GAPVD1: variants seen among roughly 807,000 people sequenced by gnomAD.
GAPVD1 encodes the protein GTPase-activating protein and VPS9 domain-containing protein 1.
GAPVD1 carries 35 observed loss-of-function variants against 155.5 expected under a neutral mutation model. The observed-to-expected ratio is 0.23, with a 90% confidence interval of 0.17 to 0.30. The LOEUF (loss-of-function observed/expected upper bound fraction) is 0.30, where lower values mean the gene tolerates loss of function less well. Ranked by LOEUF, GAPVD1 falls within the 10% of genes least tolerant of loss-of-function variation. GAPVD1 has a pLI of 1.00. For synonymous variants in GAPVD1, 636 were observed against 619.7 expected, an observed-to-expected ratio of 1.03 and a Z score of -0.39; for missense variants, 1,429 against 1,775.7, an observed-to-expected ratio of 0.80 and a Z score of 3.51.
chr9:125,349,736 C>T (rs1251468412), intron 21 of GAPVD1, among the ~76,000 whole-genome samples: 6 of 152,104 alleles, frequency 3.9e-5, no homozygotes, highest in South Asian at 4.2e-4. Flanking sequence ...TGGTGGCTCA[C>T]GCCTGTAATC....
chr9:125,352,047 C>T (rs1849361807), intron 23 of GAPVD1, among the ~76,000 whole-genome samples: 1 of 152,148 alleles, frequency 6.6e-6, no homozygotes, highest in African/African-American at 2.4e-5. Context: ...AGCCAGGGTT[C>T]CCATGGTCTT....
rs1471947888 is a variant in GAPVD1 at position 125,337,239 on chromosome 9, G to A, written c.2525G>A (p.Arg842Lys). Residue 842 changes from arginine to lysine, a missense_variant, in exon 17 of 28, where the codon AGG becomes AAG. Transcript: ENST00000297933. ...GTTGCAGGGGCTTCTGCTGTGGTAA[G>A]GCCAAAGGTTCACTATGCTAGGCCA... ...SSHEGASAVV[R>K]PKVHYARPSH... 3.1e-6 allele frequency: 5 copies of A among 1,613,956 alleles called. No individual in the cohort carries two copies. The highest frequency in any genetic ancestry group is 1.7e-5 in the Admixed American group (1 of 59,984).
intron 20 of GAPVD1, among the ~76,000 whole-genome samples, 183 bp from the exon 21 acceptor site, chr9:125,349,207 A>G (rs1295037289): frequency 6.6e-6 from 1 of 152,230 alleles, no homozygotes; most frequent in Non-Finnish European, 1.5e-5. Context: ...CTCTTGATAC[A>G]TAATTGTTGC....
chr9:125,274,906 G>A (rs771041299), intron 2 of GAPVD1, among the ~76,000 whole-genome samples: 2 of 152,118 alleles, frequency 1.3e-5, no homozygotes, highest in Non-Finnish European at 2.9e-5. Context: ...CTAGGGAGTG[G>A]CAAACCTGAG....
chr9:125,296,594 TC>T (rs1485563829), intron 3 of GAPVD1, among the ~76,000 whole-genome samples: 1 of 148,316 alleles, frequency 6.7e-6, no homozygotes, highest in East Asian at 2.0e-4. Flanking sequence ...TCTCAGGTGA[TC>T]CCCTTGCCTT....
At chr9:125,298,364 T>G (rs1490953145) in intron 3 of GAPVD1, among the ~76,000 whole-genome samples, 2 of 152,154 alleles carry the variant, frequency 1.3e-5, no homozygotes, top group Admixed American at 1.3e-4. Context: ...GAGCTTTTTT[T>G]TCTTTTTGCT....
intron 10 of GAPVD1, among the ~76,000 whole-genome samples, chr9:125,321,763 C>T (rs1264933106): frequency 6.6e-6 from 1 of 152,148 alleles, no homozygotes; most frequent in Non-Finnish European, 1.5e-5. Context: ...TGCCTTTGGT[C>T]ATATAAAATG....
intron 15 of GAPVD1, among the ~76,000 whole-genome samples, chr9:125,333,490 T>C (rs1846393329): frequency 6.7e-6 from 1 of 149,364 alleles, no homozygotes; most frequent in Non-Finnish European, 1.5e-5. Flanking sequence ...TTTGTCTTTT[T>C]TTTTTTTTTT....
Position 125,302,546 on chromosome 9 carries a change from T to C in GAPVD1, c.749T>C (p.Met250Thr), listed in dbSNP as rs1391611629. 3 of 1,613,890 alleles carry C rather than the reference T, an allele frequency of 1.9e-6. No individual in the cohort carries two copies. Among genetic ancestry groups the C allele is most frequent in the Non-Finnish European group, 2.5e-6 (3 of 1,179,806 alleles). ...SDRFRQKVQE[M>T]VESNEAKLVA... ...AGATTCAGGCAAAAAGTTCAAGAAA[T>C]GGTGGAGTCCAATGAAGCAAAGCTA... is the stretch of plus-strand genomic sequence containing the variant. The change falls in exon 5 of 28, where the codon ATG (methionine) becomes ACG (threonine). Residue 250 changes from methionine to threonine, a missense_variant. Met to Thr is a moderately conservative substitution (Grantham distance 81, BLOSUM62 -1). Coordinates refer to ENST00000297933, the MANE Select transcript of GAPVD1 (RefSeq NM_001282680.3).
chr9:125,335,004 G>C (rs1269955570), intron 15 of GAPVD1, among the ~76,000 whole-genome samples: 1 of 152,180 alleles, frequency 6.6e-6, no homozygotes, highest in East Asian at 1.9e-4. Flanking sequence ...GAATTTAGCA[G>C]AGGACAAAAA....
At chr9:125,299,444 G>A (rs937980841) in intron 4 of GAPVD1, among the ~76,000 whole-genome samples, 1 of 151,532 alleles carries the variant, frequency 6.6e-6, no homozygotes, top group African/African-American at 2.4e-5. Context: ...GATCATGAGG[G>A]CAGGAGTTTA....
intron 6 of GAPVD1, among the ~76,000 whole-genome samples, chr9:125,307,173 G>T (rs1841980045): frequency 6.6e-6 from 1 of 151,562 alleles, no homozygotes; most frequent in Non-Finnish European, 1.5e-5. Flanking sequence ...GCTGAGGCAG[G>T]AGAATCACAG....
At chr9:125,280,050 G>T (rs138378593) in intron 2 of GAPVD1, among the ~76,000 whole-genome samples, 1 of 150,674 alleles carries the variant, frequency 6.6e-6, no homozygotes. Flanking sequence ...GGCGTGAGCC[G>T]CTGCGCTGGC....
chr9:125,305,371 GTTTTTT>G (rs34474690), intron 6 of GAPVD1, among the ~76,000 whole-genome samples: 1 of 111,566 alleles, frequency 9.0e-6, no homozygotes, highest in African/African-American at 3.8e-5. Flanking sequence ...ATTTTAAAAA[GTTTTTT>G]TTTTTTTTTT....
intron 2 of GAPVD1, among the ~76,000 whole-genome samples, chr9:125,274,081 A>G (rs910298148): frequency 1.3e-5 from 2 of 151,898 alleles, no homozygotes; most frequent in African/African-American, 4.8e-5. Context: ...GCAGTGGCGC[A>G]ATCTTGGCTC....
chr9:125,342,292 A>G lies in GAPVD1; in HGVS notation c.3039A>G (p.Thr1013=). Residue 1013 remains threonine, a synonymous_variant, in exon 19 of 28, where the codon ACA becomes ACG. Coordinates refer to ENST00000297933, the MANE Select transcript of GAPVD1 (RefSeq NM_001282680.3). Reference sequence around the variant, plus strand: ...ATCTGGGGCCTGACAGATTCTCAACACTCACAGGTTTGTAGACCCATGGAC... The same window carrying G: ...ATCTGGGGCCTGACAGATTCTCAACGCTCACAGGTTTGTAGACCCATGGAC... ...KDDLGPDRFS[T]LTDDPSPRLS... is the part of the protein sequence containing the mutation. 2 of 1,576,792 alleles carry G rather than the reference A, an allele frequency of 1.3e-6. No individual in the cohort carries two copies. Among genetic ancestry groups the G allele is most frequent in the Non-Finnish European group, 1.7e-6 (2 of 1,146,216 alleles).
In GAPVD1 at chr9:125,302,689, G is replaced by A. The variant is rs776742076; in HGVS notation, c.892G>A (p.Glu298Lys). Residue 298 changes from glutamate to lysine, a missense_variant, in exon 5 of 28, where the codon GAA (glutamate) becomes AAA (lysine). By Grantham distance (56) the Glu-to-Lys change is moderately conservative (BLOSUM62 1). Around this residue, in one of 4 missense-constraint regions of GAPVD1, gnomAD observed 628 missense variants for 733.4 expected, o/e 0.86. Coordinates refer to ENST00000297933, the MANE Select transcript of GAPVD1 (RefSeq NM_001282680.3). ...YKTLSCVDRL[E>K]VGEVRAMCTD... is the part of the protein sequence containing the mutation. ...AACCCTCTCCTGTGTAGATAGGCTGGAAGTTGGGGAGGTCAGGGCAATGTG... is the reference window on the plus strand; with the variant it reads ...AACCCTCTCCTGTGTAGATAGGCTGAAAGTTGGGGAGGTCAGGGCAATGTG... 6.2e-7 allele frequency: 1 copy of A among 1,613,780 alleles called. No individual in the cohort carries two copies. Among genetic ancestry groups the A allele is most frequent in the Admixed American group, 1.7e-5 (1 of 59,968 alleles).
At chr9:125,280,388 G>A (rs1391164454) in intron 2 of GAPVD1, among the ~76,000 whole-genome samples, 1 of 63,716 alleles carries the variant, frequency 1.6e-5, no homozygotes, top group African/African-American at 8.3e-5. Flanking sequence ...AAGAGCAAAA[G>A]TCCATCTCAA....
intron 8 of GAPVD1, chr9:125,309,317 GTTTT>G (rs948884660): frequency 6.6e-6 from 1 of 150,498 alleles, no homozygotes; most frequent in Non-Finnish European, 1.5e-5. Flanking sequence ...ACTTATTGGT[GTTTT>G]TTTTTGTTTG....
Sources: allele counts gnomAD v4.1 joint callset (sites outside exome capture counted in the v4.1 genomes callset), GRCh38; gene constraint gnomAD v4.1.1; regional missense constraint gnomAD v4.1.1; transcripts MANE v1.5; gene names NCBI Gene and HGNC (gene_info 2026-07-23, HGNC 2026-07-21).